Variants in PLEC observed in about 807,000 individuals in gnomAD.
PLEC encodes the protein hemidesmosomal protein 1.
PLEC carries 216 observed loss-of-function variants against 392.8 expected under a neutral mutation model. The ratio of observed to expected loss-of-function variants is 0.55; its 90% CI spans 0.49 to 0.62. The LOEUF is 0.62. Ranked by LOEUF, PLEC falls within the 20% of genes least tolerant of loss-of-function variation. The pLI is 0.00. For missense variants in PLEC, 6,863 were observed against 6,563.4 expected (o/e 1.05, Z -1.58); for synonymous variants, 3,621 against 2,980.6 (o/e 1.21, Z -7.00).
Position 143,927,389 on chromosome 8 carries a change from TC to T in PLEC, c.3756+20del. 3 of 1,608,182 alleles carry T rather than the reference TC, an allele frequency of 1.9e-6. No homozygotes were observed. The stretch of plus-strand genomic sequence containing the variant: ...CCGCAGGGCACGCCCAGCCGCCCCG[TC>T]CCCACCGACCCAAGCCCACCTGCTC... On this transcript the variant is annotated intron_variant, in intron 27 of 31. Coordinates refer to ENST00000345136, the MANE Select transcript of PLEC (RefSeq NM_201384.3).
chr8:143,942,075 A>G (rs1830561362), upstream of PLEC, among the ~76,000 whole-genome samples: 1 of 151,960 alleles, frequency 6.6e-6, no homozygotes, highest in African/African-American at 2.4e-5. Context: ...CCCCGCCTTC[A>G]GCACCTCCTC....
In PLEC at chr8:143,918,268, G is replaced by T; in HGVS notation, c.11553C>A (p.Thr3851=). ...GCTGCGTGTAGCTGAGGCGCTCGTCGGTGGACGGGTCCACGTAGCTGCGCA... is the reference window on the plus strand; with the variant it reads ...GCTGCGTGTAGCTGAGGCGCTCGTCTGTGGACGGGTCCACGTAGCTGCGCA... ...SEVRSYVDPS[T]DERLSYTQLL... is the part of the protein sequence containing the mutation. Residue 3851 remains threonine, a synonymous_variant, in exon 32 of 32, where the codon ACC becomes ACA. Coordinates refer to ENST00000345136, the MANE Select transcript of PLEC (RefSeq NM_201384.3). 1 of 1,592,110 alleles carries T rather than the reference G, an allele frequency of 6.3e-7. No individual in the cohort carries two copies. The highest frequency in any genetic ancestry group is 8.5e-7 in the Non-Finnish European group (1 of 1,176,536).
chr8:143,932,975 C>T lies in PLEC; in HGVS notation c.1555G>A (p.Asp519Asn). Reference sequence around the variant, plus strand: ...TCCTGCAGGTAGCGCAGAGTGGAGTCCTCCAGCTCGGGGCGCCTCTGCACA... The same window carrying T: ...TCCTGCAGGTAGCGCAGAGTGGAGTTCTCCAGCTCGGGGCGCCTCTGCACA... ...QSVQRRPELE[D>N]STLRYLQDLL... The change falls in exon 14 of 32, where the codon GAC becomes AAC. Residue 519 changes from aspartate (D) to asparagine (N), a missense_variant. Asp to Asn is a conservative substitution (Grantham distance 23). Transcript: ENST00000345136. 6.2e-7 allele frequency: 1 copy of T among 1,612,050 alleles called. No homozygotes were observed. Among genetic ancestry groups the T allele is most frequent in the Non-Finnish European group, 8.5e-7 (1 of 1,179,738 alleles).
In PLEC at chr8:143,950,666, GC is replaced by G. The variant is rs1554735862; in HGVS notation, c.40del (p.Ala14ProfsTer11). 3 of 1,579,262 alleles carry G rather than the reference GC, an allele frequency of 1.9e-6. No individual in the cohort carries two copies. On this transcript the variant is annotated frameshift_variant, in exon 1 of 32. Coordinates refer to the PLEC transcript ENST00000322810. LOFTEE classifies it high-confidence loss of function. ...CTCGCGGAAGAGCACCTCATAGATG[GC>G]CCGCAGCTGGTCCCGTGGCATGAGC...
At chr8:143,938,443 A>C in intron 2 of PLEC, 188 bp downstream of exon 2, 1 of 1,541,088 alleles carries the variant, frequency 6.5e-7, no homozygotes, top group Non-Finnish European at 8.7e-7. Flanking sequence ...GAAAGACCAG[A>C]AGGAAGAGGA....
At chr8:143,928,041 G>T in intron 25 of PLEC, 49 bp from the exon 26 acceptor site, 1 of 1,544,280 alleles carries the variant, frequency 6.5e-7, no homozygotes, top group Non-Finnish European at 8.7e-7. Context: ...TCGAGCAATA[G>T]CCCAAGGGAA....
At position 143,917,292 on chromosome 8, in the gene PLEC, C is replaced by T. The variant is rs1554671692; in HGVS notation, c.12529G>A (p.Glu4177Lys). 16 of 1,609,274 alleles carry T rather than the reference C, an allele frequency of 9.9e-6. No homozygotes were observed. The highest frequency in any genetic ancestry group is 2.2e-5 in the East Asian group (1 of 44,800). The change falls in exon 32 of 32, where the codon GAG becomes AAG. Residue 4177 changes from glutamate (E) to lysine (K), a missense_variant. Physicochemically the swap from Glu to Lys is moderately conservative, Grantham distance 56. Coordinates refer to ENST00000345136, the MANE Select transcript of PLEC (RefSeq NM_201384.3). ...TYLELSEQEC[E>K]WEEITISSSD... ...GAGGAGATGGTGATCTCCTCCCACT[C>T]GCACTCCTGCTCGGACAGCTCCAGG...
At chr8:143,934,256 T>G in intron 11 of PLEC, 62 bp downstream of exon 11, 21 of 1,605,712 alleles carry the variant, frequency 1.3e-5, no homozygotes, top group Non-Finnish European at 1.7e-5. Context: ...GGAGGGGGGT[T>G]TCCTTCCCAG....
upstream of PLEC, chr8:143,942,657 C>G (rs1564191054): frequency 9.0e-7 from 1 of 1,109,980 alleles, no homozygotes; most frequent in Non-Finnish European, 1.2e-6. Flanking sequence ...AATCCGCCCA[C>G]TGCGGGAGCG....
upstream of PLEC, among the ~76,000 whole-genome samples, chr8:143,943,265 C>A (rs747483931): frequency 2.0e-5 from 3 of 152,222 alleles, no homozygotes; most frequent in Non-Finnish European, 2.9e-5. Flanking sequence ...CCGCCCCATC[C>A]TGTGCTGGGC....
rs1554678220 is a variant in PLEC, at chr8:143,919,426, C to T, written c.10395G>A (p.Leu3465=). The T allele has an allele frequency of 6.2e-7, 1 of 1,613,340 alleles. No individual in the cohort carries two copies. Among genetic ancestry groups the T allele is most frequent in the African/African-American group, 1.3e-5 (1 of 75,064 alleles). Residue 3465 remains leucine (L), a synonymous_variant, in exon 32 of 32, where the codon CTG becomes CTA. Transcript: ENST00000345136. ...LVLRQHGIRL[L]EAQIATGGII... The stretch of plus-strand genomic sequence containing the variant: ...TGCCGCCCGTGGCGATCTGGGCCTC[C>T]AGCAGGCGGATGCCGTGCTGCCGGA...
rs1554711492 is a variant in PLEC at position 143,929,657 on chromosome 8, C to T, written c.2912G>A (p.Ser971Asn). Residue 971 changes from serine (S) to asparagine (N), a missense_variant, in exon 23 of 32, where the codon AGC (serine) becomes AAC (asparagine). Physicochemically the swap from Ser to Asn is conservative, Grantham distance 46. Transcript: ENST00000345136. ...CTGCCGTGCCCTACCCTGTTCCAGG[C>T]TCTGCAGCAGCTGCTGGTAGTGGTG... ...CSHHYQQLLQ[S>N]LEQGAQEESR... The T allele has an allele frequency of 1.2e-6, 2 of 1,604,286 alleles. No homozygotes were observed. The highest frequency in any genetic ancestry group is 2.2e-5 in the East Asian group (1 of 44,858).
Position 143,916,020 on chromosome 8 carries a change from T to C in PLEC, c.*157A>G. 1 of 555,170 alleles carries C rather than the reference T, an allele frequency of 1.8e-6. No homozygotes were observed. Among genetic ancestry groups the C allele is most frequent in the South Asian group, 2.5e-5 (1 of 40,420 alleles). The allele number at this position is 555,170 out of a possible 1,614,324, so 34.4% of individuals were successfully genotyped here. A position where few individuals can be genotyped will look rare whatever the true frequency, so the allele number is the denominator to read the frequency against. On this transcript the variant is annotated 3_prime_UTR_variant, in exon 32 of 32. Transcript: ENST00000345136. ...CCTGTCCCCCAAGATACAGGCTGTC[T>C]GGACAGCAGATATATATTAATATAT...
At chr8:143,940,400 C>T (rs1269570842), upstream of PLEC, among the ~76,000 whole-genome samples, 2 of 152,232 alleles carry the variant, frequency 1.3e-5, no homozygotes, top group East Asian at 3.9e-4. Context: ...AAGCCTGTGA[C>T]TCACAGAGGG....
Position 143,916,240 on chromosome 8 carries a change from G to A in PLEC, c.13581C>T (p.Tyr4527=), listed in dbSNP as rs562934299. Residue 4527 remains tyrosine, a synonymous_variant, in exon 32 of 32, where the codon TAC becomes TAT. Transcript: ENST00000345136. The part of the protein sequence containing the change: ...FSSSSYSSSG[Y]GRRYASGSSA... ...AGGACCCCGAGGCGTAGCGGCGGCC[G>A]TAGCCCGAGGAGGAGTAGGAGGATG... is the stretch of plus-strand genomic sequence containing the variant. 7.0e-5 allele frequency: 108 copies of A among 1,546,516 alleles called. No individual in the cohort carries two copies. The highest frequency in any genetic ancestry group is 1.1e-4 in the South Asian group (9 of 84,396).
Position 143,920,655 on chromosome 8 carries a change from C to G in PLEC, c.9166G>C (p.Ala3056Pro). The change falls in exon 32 of 32, where the codon GCC (alanine) becomes CCC (proline). Residue 3056 changes from alanine to proline, a missense_variant. Physicochemically the swap from Ala to Pro is conservative, Grantham distance 27. Coordinates refer to ENST00000345136, the MANE Select transcript of PLEC (RefSeq NM_201384.3). The stretch of plus-strand genomic sequence containing the variant: ...GTGCCGGCCTGGGCTTCCAACAGGG[C>G]CACGGCCATGTCGGATGGCAGCAGG... ...KDLLPSDMAV[A>P]LLEAQAGTGH... is the part of the protein sequence containing the mutation. 1 of 1,604,494 alleles carries G rather than the reference C, an allele frequency of 6.2e-7. No homozygotes were observed. Among genetic ancestry groups the G allele is most frequent in the East Asian group, 2.2e-5 (1 of 44,880 alleles).
chr8:143,952,088 G>A (rs1231925997), upstream of PLEC, among the ~76,000 whole-genome samples: 1 of 152,212 alleles, frequency 6.6e-6, no homozygotes, highest in Admixed American at 6.5e-5. Flanking sequence ...CCCGAGGTGG[G>A]AGGCGCTGGC....
intron 1 of PLEC, chr8:143,946,553 G>C: frequency 2.4e-6 from 1 of 423,470 alleles, no homozygotes; most frequent in Non-Finnish European, 4.3e-6. Flanking sequence ...ATGAAGCCCA[G>C]CCGACTGACG....
upstream of PLEC, chr8:143,973,635 C>G: frequency 2.9e-6 from 2 of 700,338 alleles, no homozygotes; most frequent in Non-Finnish European, 3.5e-6. The surrounding 1 kb of genome is among the most constrained non-coding windows in gnomAD (Gnocchi z 5.6). Context: ...GGGGCCGCCG[C>G]GGCCGGGCAG....
Sources: gnomAD v4.1 joint callset for allele counts (sites outside exome capture counted in the v4.1 genomes callset) on GRCh38, gnomAD v4.1.1 for gene constraint, Gnocchi (gnomAD v3.1) non-coding constraint, MANE v1.5 for transcripts, NCBI Gene and HGNC (gene_info 2026-07-23, HGNC 2026-07-21) for gene names.